The following MAPK14 variants were observed in gnomAD, a reference collection of about 807,000 sequenced individuals.
MAPK14 encodes mitogen-activated protein kinase 14, also known as CSAID-binding protein.
Under a neutral mutation model 49.6 loss-of-function variants are expected in MAPK14, and 16 were observed. That is an observed-to-expected ratio of 0.32 (90% confidence interval 0.22 to 0.49). The LOEUF (loss-of-function observed/expected upper bound fraction) is 0.49. Ranked by LOEUF, MAPK14 falls within the 20% of genes least tolerant of loss-of-function variation. The pLI, the probability that MAPK14 is intolerant of heterozygous loss-of-function variation, is 0.99. For missense variants in MAPK14, 200 were observed against 441.2 expected, an observed-to-expected ratio of 0.45 and a Z score of 4.90; for synonymous variants, 142 against 158.0, an observed-to-expected ratio of 0.90 and a Z score of 0.76.
At chr6:36,038,082 T>C (rs1581732096) in intron 1 of MAPK14, among the ~76,000 whole-genome samples, 3 of 151,830 alleles carry the variant, frequency 2.0e-5, no homozygotes, top group East Asian at 3.9e-4. Context: ...AAATATATAG[T>C]GTGTCAGATA....
At chr6:36,033,843 T>G (rs1290939464) in intron 1 of MAPK14, among the ~76,000 whole-genome samples, 1 of 152,186 alleles carries the variant, frequency 6.6e-6, no homozygotes, top group Non-Finnish European at 1.5e-5. Flanking sequence ...CACCCTCACT[T>G]TAGAATTAAC....
At chr6:36,032,210 C>G (rs1372257753) in intron 1 of MAPK14, among the ~76,000 whole-genome samples, 6 of 151,938 alleles carry the variant, frequency 3.9e-5, no homozygotes, top group African/African-American at 1.2e-4. Context: ...GTAACATTTA[C>G]AAATTATTTT....
intron 8 of MAPK14, among the ~76,000 whole-genome samples, chr6:36,090,557 G>T (rs552450263): frequency 2.2e-5 from 3 of 139,144 alleles, no homozygotes; most frequent in Non-Finnish European, 4.6e-5. Flanking sequence ...ACAGAGTCTC[G>T]CTCTGTCGCC....
chr6:36,043,804 C>CTTTTTTTT (rs796534477), intron 1 of MAPK14, among the ~76,000 whole-genome samples: 54 of 90,372 alleles, frequency 6.0e-4, no homozygotes, highest in Non-Finnish European at 7.3e-4. Context: ...CTTTTTCTTT[C>CTTTTTTTT]TTTTTTTTTT....
intron 7 of MAPK14, 152 bp from the exon 8 acceptor site, chr6:36,076,385 C>G (rs544317709): frequency 1.7e-5 from 11 of 647,110 alleles, no homozygotes; most frequent in Non-Finnish European, 2.7e-5. Context: ...TCTTAGTAAG[C>G]TATTTATTTC....
chr6:36,044,346 T>C (rs1763089222), intron 1 of MAPK14, among the ~76,000 whole-genome samples: 1 of 152,224 alleles, frequency 6.6e-6, no homozygotes, highest in Admixed American at 6.5e-5. Context: ...ATTCTGTTGA[T>C]GAAAACACAG....
intron 3 of MAPK14, among the ~76,000 whole-genome samples, chr6:36,062,863 G>C (rs1203613902): frequency 6.6e-6 from 1 of 151,776 alleles, no homozygotes; most frequent in Non-Finnish European, 1.5e-5. Context: ...TCACTGTTTT[G>C]GCCAGACTGG....
At chr6:36,049,462 T>C (rs527528946) in intron 1 of MAPK14, among the ~76,000 whole-genome samples, 29 of 152,310 alleles carry the variant, frequency 1.9e-4, no homozygotes, top group African/African-American at 6.5e-4. Context: ...CTGTAATATG[T>C]ATTAGAATAA....
At chr6:36,087,043 A>C (rs1331579700) in intron 8 of MAPK14, among the ~76,000 whole-genome samples, 2 of 152,196 alleles carry the variant, frequency 1.3e-5, no homozygotes, top group African/African-American at 4.8e-5. Context: ...AAAGGCAAAA[A>C]CCACATGATT....
intron 8 of MAPK14, chr6:36,092,221 A>G (rs1414087513): frequency 7.2e-6 from 4 of 556,280 alleles, no homozygotes; most frequent in Non-Finnish European, 1.4e-5. Flanking sequence ...TACTGTCACG[A>G]TGTGTGTGGT....
intron 10 of MAPK14, among the ~76,000 whole-genome samples, chr6:36,106,965 T>C (rs1286283980): frequency 2.0e-5 from 3 of 152,048 alleles, no homozygotes; most frequent in Non-Finnish European, 4.4e-5. Flanking sequence ...GTAGGCTTTG[T>C]TTTATACAGT....
At chr6:36,058,364 TTAGTACATACGTAA>T (rs1156564876) in intron 2 of MAPK14, among the ~76,000 whole-genome samples, 1 of 152,224 alleles carries the variant, frequency 6.6e-6, no homozygotes, top group Non-Finnish European at 1.5e-5. Flanking sequence ...CATTAGACCA[TTAGTACATACGTAA>T]GGCAAGGACC....
At chr6:36,067,013 A>G (rs900094599) in intron 3 of MAPK14, among the ~76,000 whole-genome samples, 3 of 152,154 alleles carry the variant, frequency 2.0e-5, no homozygotes, top group Non-Finnish European at 4.4e-5. Context: ...TTAATGAGTT[A>G]ACTATTAACA....
chr6:36,044,370 G>A (rs1763089888), intron 1 of MAPK14, among the ~76,000 whole-genome samples: 1 of 152,106 alleles, frequency 6.6e-6, no homozygotes, highest in East Asian at 1.9e-4. Flanking sequence ...GTTTTTTGAG[G>A]AAAATCATGG....
rs1765711175 is a variant in MAPK14, at chr6:36,103,727, AGGACAGT to A, written c.841+1087_841+1093del. ...GAGGCTCATTCCCTGACTCTTGAAGAGGACAGTGGACAGTGCTGTTTAATGGTGGACA... is the reference window on the plus strand; with the variant it reads ...GAGGCTCATTCCCTGACTCTTGAAGAGGACAGTGCTGTTTAATGGTGGACA... On this transcript the variant is annotated intron_variant, in intron 10 of 11. Coordinates refer to ENST00000229794, the MANE Select transcript of MAPK14 (RefSeq NM_139012.3). Among the ~76,000 whole-genome samples, 3 of 152,158 alleles carry A rather than the reference AGGACAGT, an allele frequency of 2.0e-5. No homozygotes were observed. The South Asian group carries it at 6.2e-4, about 32-fold the overall frequency.
chr6:36,051,370 A>G (rs1181273578), intron 1 of MAPK14, among the ~76,000 whole-genome samples: 4 of 152,098 alleles, frequency 2.6e-5, no homozygotes, highest in Non-Finnish European at 5.9e-5. Context: ...CGGCCTCCCA[A>G]GGTGCTGGAT....
intron 8 of MAPK14, among the ~76,000 whole-genome samples, chr6:36,078,284 G>A (rs563208277): frequency 9.0e-4 from 137 of 152,328 alleles, no homozygotes; most frequent in Non-Finnish European, 1.6e-3. Context: ...GGAAAGTACT[G>A]AGACGAGCCT....
At chr6:36,041,953 G>A (rs925832820) in intron 1 of MAPK14, among the ~76,000 whole-genome samples, 1 of 152,192 alleles carries the variant, frequency 6.6e-6, no homozygotes, top group African/African-American at 2.4e-5. Flanking sequence ...ATAGTGGTCA[G>A]TATGGTTTTA....
chr6:36,074,133 T>C, intron 6 of MAPK14, 37 bp downstream of exon 6: 1 of 1,562,782 alleles, frequency 6.4e-7, no homozygotes, highest in Non-Finnish European at 8.8e-7. Context: ...TTTGCTTTAC[T>C]TTGAGATTAT....
Sources: gnomAD v4.1 joint callset for allele counts (sites outside exome capture counted in the v4.1 genomes callset) on GRCh38, gnomAD v4.1.1 for gene constraint, MANE v1.5 for transcripts, NCBI Gene and HGNC (gene_info 2026-07-23, HGNC 2026-07-21) for gene names.